COMMD5: variants seen among roughly 807,000 people sequenced by gnomAD.
COMMD5 encodes COMM domain-containing protein 5.
Under a neutral mutation model 6.9 loss-of-function variants are expected in COMMD5, and 10 were observed. The ratio of observed to expected loss-of-function variants is 1.44; its 90% CI spans 0.89 to 2.45. COMMD5 has a LOEUF of 2.45. Among genes scored for constraint, COMMD5 ranks in the 30% most tolerant of loss-of-function variants. The pLI, the probability that COMMD5 is intolerant of heterozygous loss-of-function variation, is 0.00. For missense variants in COMMD5, 234 were observed against 287.8 expected (o/e 0.81, Z 1.35); for synonymous variants, 127 against 125.3 (o/e 1.01, Z -0.09).
At chr8:144,842,726 TTACAA>T (rs1830110057) in intron 1 of COMMD5, 5 of 1,614,052 alleles carry the variant, frequency 3.1e-6, no homozygotes, top group Non-Finnish European at 4.2e-6. Context: ...AGCACACAGC[TTACAA>T]TACATCAAAG....
downstream of COMMD5, among the ~76,000 whole-genome samples, chr8:144,848,431 A>G (rs1002471515): frequency 6.6e-6 from 1 of 150,678 alleles, no homozygotes; most frequent in Non-Finnish European, 1.5e-5. Flanking sequence ...TGGGAGGCAG[A>G]GGTTGCAATG....
chr8:144,842,369 CT>C, intron 1 of COMMD5: 1 of 1,614,048 alleles, frequency 6.2e-7, no homozygotes, highest in Non-Finnish European at 8.5e-7. Context: ...TGTGGGAAAG[CT>C]TTTAGGTGGA....
At chr8:144,840,690 G>T (rs1829776393), downstream of COMMD5, among the ~76,000 whole-genome samples, 1 of 152,146 alleles carries the variant, frequency 6.6e-6, no homozygotes, top group Admixed American at 6.5e-5. Context: ...GAAACTTGCA[G>T]CCCCAGGGAA....
intron 1 of COMMD5, chr8:144,842,155 GT>G (rs1171699459): frequency 5.6e-6 from 9 of 1,613,636 alleles, no homozygotes; most frequent in Non-Finnish European, 7.6e-6. Flanking sequence ...GTCGCAGCTG[GT>G]TAGACACCAG....
intron 1 of COMMD5, chr8:144,843,772 A>G (rs1830310424): frequency 6.6e-6 from 1 of 152,224 alleles, no homozygotes; most frequent in Non-Finnish European, 1.5e-5. Context: ...GAGCGCTGCT[A>G]GACTGAGTAG....
chr8:144,838,412 TG>T (rs1419207882), downstream of COMMD5: 1 of 451,638 alleles, frequency 2.2e-6, no homozygotes, highest in African/African-American at 2.0e-5. Context: ...CAGCTCCTGC[TG>T]GGCAGGCGCC....
intron 1 of COMMD5, among the ~76,000 whole-genome samples, chr8:144,844,977 T>G (rs980819400): frequency 1.1e-4 from 17 of 151,228 alleles, no homozygotes; most frequent in African/African-American, 3.9e-4. Flanking sequence ...TGAGCTGCAG[T>G]GGGGGTAGAC....
intron 1 of COMMD5, chr8:144,842,580 C>T (rs779928022): frequency 5.0e-6 from 8 of 1,614,218 alleles, no homozygotes; most frequent in Non-Finnish European, 3.4e-6. Flanking sequence ...AGCGAATCCA[C>T]ACTGGAGAGA....
intron 1 of COMMD5, chr8:144,842,623 TTCAG>T (rs1830093378): frequency 2.5e-6 from 4 of 1,614,096 alleles, no homozygotes; most frequent in Middle Eastern, 1.6e-4. Context: ...TGGAAAAGCC[TTCAG>T]TCAGAGTTCC....
At chr8:144,839,171 G>C (rs1485107514), downstream of COMMD5, among the ~76,000 whole-genome samples, 3 of 141,194 alleles carry the variant, frequency 2.1e-5, no homozygotes, top group Admixed American at 1.4e-4. Context: ...ATTCATATGC[G>C]CCTAGGGGCT....
chr8:144,841,671 A>G (rs1306839057), exon 2 of COMMD5: 1 of 1,614,058 alleles, frequency 6.2e-7, no homozygotes, highest in African/African-American at 1.3e-5. Flanking sequence ...AAAGTCAGGG[A>G]GAGAGTGCGG....
downstream of COMMD5, among the ~76,000 whole-genome samples, chr8:144,845,443 G>A (rs201087801): frequency 2.6e-5 from 4 of 152,106 alleles, no homozygotes; most frequent in East Asian, 1.9e-4. Context: ...AGCACGGTGG[G>A]GTTCTTGGCA....
rs180952992 is a variant in COMMD5, at chr8:144,841,361, C to T, written c.*499G>A. On this transcript the variant is annotated 3_prime_UTR_variant and NMD_transcript_variant, in exon 2 of 2. Transcript: ENST00000530332. ...TTGTTCCTGTTTATTTCAGATTCTA[C>T]GATTAGGACTGAAAATGAGCAGGCC... 1.9e-5 allele frequency: 30 copies of T among 1,598,880 alleles called. No homozygotes were observed. Among genetic ancestry groups the T allele is most frequent in the South Asian group, 1.2e-4 (11 of 90,288 alleles).
chr8:144,853,211 G>T (rs1188773013), upstream of COMMD5: 2 of 147,874 alleles, frequency 1.4e-5, no homozygotes, highest in Non-Finnish European at 3.0e-5. Flanking sequence ...GTCTTAGACA[G>T]TTTTTTTTTT....
chr8:144,845,189 G>A (rs1203823315), downstream of COMMD5, among the ~76,000 whole-genome samples: 1 of 152,186 alleles, frequency 6.6e-6, no homozygotes, highest in Non-Finnish European at 1.5e-5. Context: ...AGAAGCTCAC[G>A]AGAAATCCTG....
chr8:144,839,677 G>C (rs1373714514), downstream of COMMD5, among the ~76,000 whole-genome samples: 1 of 152,252 alleles, frequency 6.6e-6, no homozygotes, highest in Admixed American at 6.5e-5. Context: ...CAGGGATGTA[G>C]CCTCTTAGAT....
At chr8:144,842,594 C>T in intron 1 of COMMD5, 1 of 1,614,180 alleles carries the variant, frequency 6.2e-7, no homozygotes, top group Non-Finnish European at 8.5e-7. Context: ...GGAGAGAAAC[C>T]CTATGTGTGT....
Position 144,851,238 on chromosome 8 carries a change from G to A in COMMD5, c.101C>T (p.Ala34Val), listed in dbSNP as rs372113689. 6.2e-7 allele frequency: 1 copy of A among 1,614,054 alleles called. No individual in the cohort carries two copies. The highest frequency in any genetic ancestry group is 8.5e-7 in the Non-Finnish European group (1 of 1,180,028). Residue 34 changes from alanine (A) to valine (V), a missense_variant, in exon 2 of 2, where the codon GCA (alanine) becomes GTA (valine). By Grantham distance (64) the Ala-to-Val change is moderately conservative (BLOSUM62 0). Coordinates refer to ENST00000305103, the MANE Select transcript of COMMD5 (RefSeq NM_014066.4). ...GTCCCCTAGTAGCCGGGCCATTGCTGCCACCTCTGGAGGAAGCTGGGCCCC... is the reference window on the plus strand; with the variant it reads ...GTCCCCTAGTAGCCGGGCCATTGCTACCACCTCTGGAGGAAGCTGGGCCCC... ...FLGAQLPPEV[A>V]AMARLLGDLD... is the part of the protein sequence containing the mutation.
intron 1 of COMMD5, chr8:144,843,251 C>G (rs1039470223): frequency 2.1e-6 from 3 of 1,420,130 alleles, no homozygotes; most frequent in African/African-American, 1.4e-5. Context: ...TTTATACTGA[C>G]AAACATGTAG....
Sources: allele counts gnomAD v4.1 joint callset (sites outside exome capture counted in the v4.1 genomes callset), GRCh38; gene constraint gnomAD v4.1.1; transcripts MANE v1.5; gene names NCBI Gene and HGNC (gene_info 2026-07-23, HGNC 2026-07-21).